CNTN1: variants seen among roughly 807,000 people sequenced by gnomAD.
CNTN1 encodes contactin 1, also known as contactin-1.
A neutral mutation model predicts 126.4 loss-of-function variants in CNTN1; 38 were observed. The ratio of observed to expected loss-of-function variants is 0.30; its 90% CI spans 0.23 to 0.39. The LOEUF (loss-of-function observed/expected upper bound fraction) is 0.39. CNTN1 is among the 10% of genes least tolerant of loss of function. The pLI is 1.00. For missense variants in CNTN1, 1,009 were observed against 1,248.4 expected (o/e 0.81, Z 2.89); for synonymous variants, 413 against 422.6 (o/e 0.98, Z 0.28).
chr12:40,838,193 C>G (rs911269516), intron 1 of CNTN1, among the ~76,000 whole-genome samples: 2 of 152,188 alleles, frequency 1.3e-5, no homozygotes, highest in African/African-American at 2.4e-5. Context: ...AACCAGAGCA[C>G]TCCTACTAGC....
At chr12:40,733,295 G>T (rs1327750601) in intron 1 of CNTN1, among the ~76,000 whole-genome samples, 1 of 150,918 alleles carries the variant, frequency 6.6e-6, no homozygotes, top group African/African-American at 2.4e-5. Context: ...ATTTTTTTTG[G>T]TCACAAACAA....
At chr12:40,886,670 A>G (rs1222996932) in intron 1 of CNTN1, among the ~76,000 whole-genome samples, 1 of 152,150 alleles carries the variant, frequency 6.6e-6, no homozygotes, top group African/African-American at 2.4e-5. Context: ...GGTATTGCCT[A>G]GGTTTTCTTC....
chr12:40,830,639 ATAAT>A (rs1941777851), intron 1 of CNTN1, among the ~76,000 whole-genome samples: 2 of 150,296 alleles, frequency 1.3e-5, no homozygotes, highest in Admixed American at 1.3e-4. Context: ...AGAGTGAGAA[ATAAT>A]TGACAATAAT....
chr12:40,963,379 TCAATTTTC>T (rs1305855742), intron 15 of CNTN1, among the ~76,000 whole-genome samples: 4 of 152,028 alleles, frequency 2.6e-5, no homozygotes, highest in South Asian at 2.1e-4. Flanking sequence ...CATATTGACC[TCAATTTTC>T]CAATTTTCCA....
intron 12 of CNTN1, among the ~76,000 whole-genome samples, chr12:40,942,174 C>T (rs182428334): frequency 1.3e-5 from 2 of 152,108 alleles, no homozygotes; most frequent in Admixed American, 1.3e-4. Context: ...AGGATTTATA[C>T]TAGAGGGTAG....
chr12:40,944,319 T>C, intron 14 of CNTN1, 149 bp downstream of exon 14: 2 of 699,580 alleles, frequency 2.9e-6, no homozygotes, highest in South Asian at 3.5e-5. Context: ...GTTCTCCTTA[T>C]ATTAACTGTT....
At chr12:40,874,357 G>C (rs1354711930) in intron 1 of CNTN1, among the ~76,000 whole-genome samples, 1 of 151,936 alleles carries the variant, frequency 6.6e-6, no homozygotes, top group Non-Finnish European at 1.5e-5. Flanking sequence ...AAATATCAAA[G>C]TCACAACGAA....
chr12:40,810,755 G>A (rs898188341), intron 1 of CNTN1, among the ~76,000 whole-genome samples: 6 of 152,158 alleles, frequency 3.9e-5, no homozygotes, highest in African/African-American at 1.4e-4. Flanking sequence ...AGTGGCTCAT[G>A]CCTATAATTT....
intron 1 of CNTN1, among the ~76,000 whole-genome samples, chr12:40,832,048 G>C (rs986436160): frequency 6.6e-6 from 1 of 152,168 alleles, no homozygotes. Context: ...TGGATGGGTG[G>C]TGTAGTTGAG....
intron 23 of CNTN1, among the ~76,000 whole-genome samples, chr12:41,044,971 T>C (rs1013274180): frequency 6.6e-6 from 1 of 152,130 alleles, no homozygotes; most frequent in Non-Finnish European, 1.5e-5. Flanking sequence ...TATGCATGAA[T>C]AAATTATTCA....
intron 1 of CNTN1, among the ~76,000 whole-genome samples, chr12:40,738,560 A>G (rs1341991185): frequency 6.6e-6 from 1 of 152,042 alleles, no homozygotes; most frequent in East Asian, 1.9e-4. Context: ...GCCATAAACT[A>G]GCGAAAGTAA....
chr12:41,054,040 A>G (rs1328151220), intron 23 of CNTN1, among the ~76,000 whole-genome samples: 1 of 151,882 alleles, frequency 6.6e-6, no homozygotes, highest in Non-Finnish European at 1.5e-5. Context: ...TCTGAATTTT[A>G]GAGGCTAATT....
chr12:40,856,202 G>C (rs1481477870), intron 1 of CNTN1, among the ~76,000 whole-genome samples: 2 of 152,066 alleles, frequency 1.3e-5, no homozygotes, highest in African/African-American at 4.8e-5. Flanking sequence ...CAACTTGGAA[G>C]GATTTGTATG....
intron 8 of CNTN1, 39 bp downstream of exon 8, chr12:40,933,599 A>G: frequency 6.6e-7 from 1 of 1,521,312 alleles, no homozygotes; most frequent in Non-Finnish European, 9.1e-7. Flanking sequence ...ATATAGAAAT[A>G]GTACCATTTT....
intron 14 of CNTN1, among the ~76,000 whole-genome samples, chr12:40,954,066 T>C (rs939529402): frequency 6.6e-6 from 1 of 152,112 alleles, no homozygotes; most frequent in Admixed American, 6.6e-5. Flanking sequence ...ACATGGCTCA[T>C]TGAAATAGTG....
chr12:41,050,299 G>A (rs534809778), intron 23 of CNTN1, among the ~76,000 whole-genome samples: 48 of 152,206 alleles, frequency 3.2e-4, no homozygotes, highest in African/African-American at 1.1e-3. Flanking sequence ...CCTGAAACTG[G>A]GTAATTTATA....
At chr12:40,953,206 T>A (rs1420856184) in intron 14 of CNTN1, among the ~76,000 whole-genome samples, 2 of 152,198 alleles carry the variant, frequency 1.3e-5, no homozygotes, top group African/African-American at 4.8e-5. Context: ...CAACCACATA[T>A]ACACTTTGGA....
At chr12:41,011,857 A>T (rs986486768) in intron 17 of CNTN1, among the ~76,000 whole-genome samples, 1 of 152,210 alleles carries the variant, frequency 6.6e-6, no homozygotes, top group Non-Finnish European at 1.5e-5. Flanking sequence ...TTACTAATTA[A>T]GTACCATTCT....
At chr12:40,872,582 T>C (rs1443918911) in intron 1 of CNTN1, among the ~76,000 whole-genome samples, 1 of 145,082 alleles carries the variant, frequency 6.9e-6, no homozygotes, top group Admixed American at 6.9e-5. Context: ...TTTTTTTTTT[T>C]TTTTTTTTGA....
Sources: gnomAD v4.1 joint callset for allele counts (sites outside exome capture counted in the v4.1 genomes callset) on GRCh38, gnomAD v4.1.1 for gene constraint, MANE v1.5 for transcripts, NCBI Gene and HGNC (gene_info 2026-07-23, HGNC 2026-07-21) for gene names.